Variants in ERAP1 observed in about 807,000 individuals in gnomAD.
ERAP1 encodes the protein endoplasmic reticulum aminopeptidase 1.
In ERAP1, 86 loss-of-function variants were observed where a neutral mutation model predicts 103.7. The ratio of observed to expected loss-of-function variants is 0.83; its 90% CI spans 0.70 to 0.99. The LOEUF is 0.99. Among genes scored for constraint, ERAP1 ranks in the 50% least tolerant of loss-of-function variants. The pLI, the probability that ERAP1 is intolerant of heterozygous loss-of-function variation, is 0.00. For synonymous variants in ERAP1, 398 were observed against 402.4 expected (o/e 0.99, Z 0.13); for missense variants, 1,009 against 1,128.4 (o/e 0.89, Z 1.52).
At position 96,775,969 on chromosome 5, in the gene ERAP1, C is replaced by T; in HGVS notation, c.*427G>A. On this transcript the variant is annotated 3_prime_UTR_variant, in exon 19 of 19. Coordinates refer to ENST00000443439, the MANE Select transcript of ERAP1 (RefSeq NM_001040458.3). ...GAGGGGTGAGCCGGGAGAGCTTTAA[C>T]CCAGTCATCGTCCGGCTTAGTCTCA... 1 of 1,061,830 alleles carries T rather than the reference C, an allele frequency of 9.4e-7. No individual in the cohort carries two copies. Among genetic ancestry groups the T allele is most frequent in the South Asian group, 2.9e-5 (1 of 35,050 alleles). The allele number at this position is 1,061,830 out of a possible 1,614,324, so 65.8% of individuals were successfully genotyped here. A position where few individuals can be genotyped will look rare whatever the true frequency, so the allele number is the denominator to read the frequency against.
chr5:96,878,309 T>C, the ERAP1 span, among the ~76,000 whole-genome samples: 2 of 152,130 alleles, frequency 1.3e-5, no homozygotes, highest in African/African-American at 4.8e-5. Flanking sequence ...TGGGGATAAA[T>C]ACCTACCTTG....
At chr5:96,904,673 G>C in the ERAP1 span, among the ~76,000 whole-genome samples, 7 of 152,196 alleles carry the variant, frequency 4.6e-5, no homozygotes, top group Non-Finnish European at 8.8e-5. Flanking sequence ...GAAGCTCTGA[G>C]TAGATTGAAG....
chr5:96,776,189 C>T lies in ERAP1; in HGVS notation c.*207G>A. 4.0e-6 allele frequency: 6 copies of T among 1,513,292 alleles called. No homozygotes were observed. The highest frequency in any genetic ancestry group is 5.3e-6 in the Non-Finnish European group (6 of 1,132,094). 93.7% of individuals were successfully genotyped at this position (1,513,292 alleles called of 1,614,324 possible). The stretch of plus-strand genomic sequence containing the variant: ...CAACACTTGGGTTTACGTTGCAGGG[C>T]AACACCTGTGATGAACAAAACACAT... On this transcript the variant is annotated 3_prime_UTR_variant, in exon 19 of 19. Coordinates refer to ENST00000443439, the MANE Select transcript of ERAP1 (RefSeq NM_001040458.3).
the ERAP1 span, chr5:96,912,664 G>C: frequency 1.2e-6 from 2 of 1,610,576 alleles, no homozygotes; most frequent in East Asian, 4.5e-5. Flanking sequence ...TAAAGATTGT[G>C]TATTCTGTGG....
the ERAP1 span, among the ~76,000 whole-genome samples, chr5:96,921,288 T>C: frequency 4.6e-5 from 7 of 152,282 alleles, no homozygotes; most frequent in Non-Finnish European, 1.0e-4. Context: ...TTCCAGGTCA[T>C]CAATGCATTA....
In ERAP1 at chr5:96,793,811, C is replaced by T; in HGVS notation, c.1066G>A (p.Ala356Thr). ...TGTGAATGAGCTTATACCTGGTGAG[C>T]CAGTTCATGGGCCACAGTCATTGTG... ...GITMTVAHEL[A>T]HQWFGNLVTM... The change falls in exon 6 of 19, where the codon GCT (alanine) becomes ACT (threonine). Residue 356 changes from alanine to threonine, a missense_variant. By Grantham distance (58) the Ala-to-Thr change is moderately conservative. This residue lies in a region of ERAP1 where 392 missense variants were observed against 455.2 expected (regional missense o/e 0.86). Coordinates refer to ENST00000443439, the MANE Select transcript of ERAP1 (RefSeq NM_001040458.3). The T allele has an allele frequency of 6.2e-7, 1 of 1,613,416 alleles. No individual in the cohort carries two copies. The highest frequency in any genetic ancestry group is 1.1e-5 in the South Asian group (1 of 91,054).
the ERAP1 span, among the ~76,000 whole-genome samples, chr5:96,862,060 A>T: frequency 6.6e-6 from 1 of 152,170 alleles, no homozygotes; most frequent in South Asian, 2.1e-4. Context: ...GGCTTACTGC[A>T]TCCTTGAACT....
At chr5:96,790,667 G>T (rs1343169909) in intron 8 of ERAP1, 24 bp from the exon 9 acceptor site, 6 of 1,590,096 alleles carry the variant, frequency 3.8e-6, no homozygotes, top group African/African-American at 1.3e-5. Context: ...AGAAATAATT[G>T]TTATCTATAG....
chr5:96,928,248 C>A, the ERAP1 span, among the ~76,000 whole-genome samples: 1 of 152,144 alleles, frequency 6.6e-6, no homozygotes, highest in Non-Finnish European at 1.5e-5. Context: ...TATCTTCAAC[C>A]TTATTTCCAT....
At chr5:96,844,327 G>C in the ERAP1 span, among the ~76,000 whole-genome samples, 1 of 152,098 alleles carries the variant, frequency 6.6e-6, no homozygotes, top group Non-Finnish European at 1.5e-5. Flanking sequence ...TATACTTACT[G>C]CTCTGTTTCC....
chr5:96,922,074 G>A, the ERAP1 span, among the ~76,000 whole-genome samples: 2 of 152,050 alleles, frequency 1.3e-5, no homozygotes, highest in Non-Finnish European at 2.9e-5. Flanking sequence ...CGAGGCGGGC[G>A]GATCACAGGG....
chr5:96,930,197 A>G, the ERAP1 span, among the ~76,000 whole-genome samples: 1 of 152,232 alleles, frequency 6.6e-6, no homozygotes, highest in African/African-American at 2.4e-5. Context: ...CAACCACCTG[A>G]TATTGCCTCT....
chr5:96,889,183 A>G, the ERAP1 span: 1 of 1,613,984 alleles, frequency 6.2e-7, no homozygotes. Flanking sequence ...CACATTTCCC[A>G]GGTGTCCATC....
the ERAP1 span, among the ~76,000 whole-genome samples, chr5:96,912,156 A>G: frequency 1.4e-5 from 2 of 145,920 alleles, no homozygotes; most frequent in African/African-American, 5.1e-5. Flanking sequence ...GCGCCACTGC[A>G]CTCCAGCTTG....
chr5:96,818,351 T>C, the ERAP1 span, among the ~76,000 whole-genome samples: 1 of 151,900 alleles, frequency 6.6e-6, no homozygotes, highest in Non-Finnish European at 1.5e-5. Context: ...GCCACCGCGA[T>C]GAGGCCAAGG....
At chr5:96,857,495 T>TA in the ERAP1 span, among the ~76,000 whole-genome samples, 1,825 of 151,938 alleles carry the variant, frequency 0.012, 34 homozygotes, top group African/African-American at 0.042. Flanking sequence ...TAAAAATTAA[T>TA]AAAAAAATAA....
upstream of ERAP1, chr5:96,808,187 C>CGTGTGTGTGTGTGTGTGTGTGT (rs748632954): frequency 1.6e-5 from 12 of 770,896 alleles, no homozygotes; most frequent in Admixed American, 4.7e-4. Context: ...AACGCGGATC[C>CGTGTGTGTGTGTGTGTGTGTGT]GTGTGTGTGT....
At chr5:96,846,687 C>T in the ERAP1 span, among the ~76,000 whole-genome samples, 1 of 152,098 alleles carries the variant, frequency 6.6e-6, no homozygotes, top group Non-Finnish European at 1.5e-5. Context: ...AAGTCCTGAA[C>T]AACAATTTTA....
chr5:96,780,531 G>C (rs773118300), intron 17 of ERAP1, 27 bp from the exon 18 acceptor site: 5 of 1,538,354 alleles, frequency 3.3e-6, no homozygotes, highest in African/African-American at 2.7e-5. Flanking sequence ...TCAAAAACGG[G>C]TTGTGAAATA....
Sources: gnomAD v4.1 joint callset for allele counts (sites outside exome capture counted in the v4.1 genomes callset) on GRCh38, gnomAD v4.1.1 for gene constraint, gnomAD v4.1.1 regional missense constraint, MANE v1.5 for transcripts, NCBI Gene and HGNC (gene_info 2026-07-23, HGNC 2026-07-21) for gene names.